Variants in UNC13C observed in about 807,000 individuals in gnomAD.
The protein encoded by UNC13C is unc-13 homolog C, also known as protein unc-13 homolog C.
In UNC13C, 174 loss-of-function variants were observed where a neutral mutation model predicts 245.4. The ratio of observed to expected loss-of-function variants is 0.71; its 90% CI spans 0.63 to 0.80. The LOEUF is 0.80. UNC13C is among the 30% of genes least tolerant of loss of function. The probability of loss-of-function intolerance (pLI) is 0.00; values close to 1 mark genes in which losing one functional copy is unlikely to be tolerated. For synonymous variants in UNC13C, 992 were observed against 895.1 expected (o/e 1.11, Z -1.93); for missense variants, 2,829 against 2,602.9 (o/e 1.09, Z -1.89).
At chr15:54,518,173 A>G (rs533450) in intron 24 of UNC13C, among the ~76,000 whole-genome samples, 99,440 of 152,088 alleles carry the variant, frequency 0.65, 33,291 homozygotes, top group African/African-American at 0.79. Flanking sequence ...AAATTATATT[A>G]AAGTGATTTA....
intron 7 of UNC13C, among the ~76,000 whole-genome samples, chr15:54,244,871 T>G (rs2140852752): frequency 6.6e-6 from 1 of 152,274 alleles, no homozygotes; most frequent in African/African-American, 2.4e-5. Flanking sequence ...TCTTTTGGAC[T>G]GAGACATGGA....
intron 2 of UNC13C, among the ~76,000 whole-genome samples, chr15:54,061,726 G>A (rs766537664): frequency 7.2e-5 from 11 of 152,144 alleles, no homozygotes; most frequent in African/African-American, 1.4e-4. Context: ...AAACCTTTTC[G>A]TGAGCAGTGA....
intron 2 of UNC13C, among the ~76,000 whole-genome samples, chr15:54,122,237 A>G (rs1160161877): frequency 1.3e-5 from 2 of 151,998 alleles, no homozygotes; most frequent in African/African-American, 4.8e-5. Context: ...ATAATTTCTA[A>G]ATGGTGTACC....
chr15:54,236,443 C>G lies in UNC13C; in HGVS notation c.3156+8C>G, dbSNP rs750493980. 1.3e-6 allele frequency: 2 copies of G among 1,589,486 alleles called. No homozygotes were observed. Among genetic ancestry groups the G allele is most frequent in the African/African-American group, 2.7e-5 (2 of 74,682 alleles). Reference sequence around the variant, plus strand: ...TGGAATCTTCAGGCCATGGTAAGTGCTTTGCTATTTATTTAATTAATATTT... The same window carrying G: ...TGGAATCTTCAGGCCATGGTAAGTGGTTTGCTATTTATTTAATTAATATTT... On this transcript the variant is annotated splice_region_variant and intron_variant, in intron 6 of 32. Coordinates refer to ENST00000260323, the MANE Select transcript of UNC13C (RefSeq NM_001080534.3).
chr15:54,226,475 C>A lies in UNC13C; in HGVS notation c.3072-8555C>A, dbSNP rs1448951066. ...TAGTGTCACAGGGTCCTTGGAGTGTCAATTTGCTAGCTGGAAACCTCTGTT... is the reference window on the plus strand; with the variant it reads ...TAGTGTCACAGGGTCCTTGGAGTGTAAATTTGCTAGCTGGAAACCTCTGTT... On this transcript the variant is annotated intron_variant, in intron 4 of 32. Coordinates refer to ENST00000260323, the MANE Select transcript of UNC13C (RefSeq NM_001080534.3). Among the ~76,000 whole-genome samples the A allele has an allele frequency of 3.3e-5, 5 of 152,148 alleles. No homozygotes were observed. In the East Asian group the frequency reaches 9.6e-4, roughly 29 times the overall value.
chr15:54,372,144 A>G (rs1452887240), intron 17 of UNC13C, among the ~76,000 whole-genome samples: 2 of 152,158 alleles, frequency 1.3e-5, no homozygotes, highest in Non-Finnish European at 2.9e-5. Context: ...TGCATATATT[A>G]AAAAGCTTGA....
chr15:54,039,904 C>T (rs1012373157), intron 2 of UNC13C, among the ~76,000 whole-genome samples: 17 of 151,966 alleles, frequency 1.1e-4, no homozygotes, highest in African/African-American at 4.1e-4. Flanking sequence ...TGCTTCTTCC[C>T]TTGACCCCCA....
At chr15:54,462,102 C>T (rs78020682) in intron 19 of UNC13C, among the ~76,000 whole-genome samples, 3,421 of 152,062 alleles carry the variant, frequency 0.022, 122 homozygotes, top group African/African-American at 0.077. Flanking sequence ...TTGGGTTTAC[C>T]CAAGTTAGGC....
intron 27 of UNC13C, 49 bp downstream of exon 27, chr15:54,546,894 G>A: frequency 6.7e-7 from 1 of 1,500,062 alleles, no homozygotes; most frequent in South Asian, 1.3e-5. Context: ...TCTGTTTTTG[G>A]TTTAAGTGAA....
chr15:54,382,029 A>G (rs2039736523), intron 17 of UNC13C, among the ~76,000 whole-genome samples: 1 of 152,206 alleles, frequency 6.6e-6, no homozygotes, highest in Non-Finnish European at 1.5e-5. Flanking sequence ...TTTAAAAATC[A>G]AAATTATGTA....
the UNC13C span, among the ~76,000 whole-genome samples, chr15:53,848,207 G>T: frequency 5.9e-5 from 9 of 151,882 alleles, 1 homozygote; most frequent in Admixed American, 3.9e-4. Context: ...ACTGGTTTCT[G>T]CTGTTATTGG....
At chr15:53,992,463 A>G (rs945167414) in intron 1 of UNC13C, among the ~76,000 whole-genome samples, 2 of 152,068 alleles carry the variant, frequency 1.3e-5, no homozygotes, top group African/African-American at 2.4e-5. Context: ...AGAAGCCTCC[A>G]TATTGTCTTC....
intron 10 of UNC13C, among the ~76,000 whole-genome samples, chr15:54,269,117 A>G (rs540864230): frequency 5.9e-4 from 89 of 151,974 alleles, no homozygotes; most frequent in African/African-American, 2.1e-3. Context: ...GCAGCAAACT[A>G]TCTACCTTGG....
intron 4 of UNC13C, among the ~76,000 whole-genome samples, chr15:54,217,543 G>T (rs2140770112): frequency 6.6e-6 from 1 of 152,008 alleles, no homozygotes; most frequent in East Asian, 1.9e-4. Context: ...TTGGATGATT[G>T]TAAATACCAC....
At chr15:54,079,389 T>G (rs566075038) in intron 2 of UNC13C, among the ~76,000 whole-genome samples, 2 of 151,878 alleles carry the variant, frequency 1.3e-5, no homozygotes, top group Admixed American at 6.6e-5. Flanking sequence ...GAATTTTTAG[T>G]TTTTTTTATG....
At chr15:54,154,115 A>C (rs1421055511) in intron 4 of UNC13C, among the ~76,000 whole-genome samples, 1 of 151,976 alleles carries the variant, frequency 6.6e-6, no homozygotes, top group Non-Finnish European at 1.5e-5. Context: ...CACTCAACTG[A>C]TTTATTGAGC....
At chr15:54,068,558 C>T (rs917177981) in intron 2 of UNC13C, among the ~76,000 whole-genome samples, 3 of 152,084 alleles carry the variant, frequency 2.0e-5, no homozygotes, top group Non-Finnish European at 2.9e-5. Context: ...GTTGGCAAAG[C>T]GTGTATTTAT....
At chr15:53,933,905 G>C in the UNC13C span, among the ~76,000 whole-genome samples, 1 of 152,186 alleles carries the variant, frequency 6.6e-6, no homozygotes, top group Non-Finnish European at 1.5e-5. Context: ...AAATACCTGA[G>C]ACTGGGTATT....
At position 54,554,187 on chromosome 15, in the gene UNC13C, A is replaced by G. The variant is rs1322760957; in HGVS notation, c.5878-1245A>G. On this transcript the variant is annotated intron_variant, in intron 28 of 32. Coordinates refer to ENST00000260323, the MANE Select transcript of UNC13C (RefSeq NM_001080534.3). Reference sequence around the variant, plus strand: ...AAATTTACTGAGTGCCTAGCAGATAACAACTGCCAAAATAGACACGGAAAA... The same window carrying G: ...AAATTTACTGAGTGCCTAGCAGATAGCAACTGCCAAAATAGACACGGAAAA... Among the ~76,000 whole-genome samples, 3 of 152,016 alleles carry G rather than the reference A, an allele frequency of 2.0e-5. No homozygotes were observed. The East Asian group carries it at 5.8e-4, about 29-fold the overall frequency.
Sources: allele counts gnomAD v4.1 joint callset (sites outside exome capture counted in the v4.1 genomes callset), GRCh38; gene constraint gnomAD v4.1.1; transcripts MANE v1.5; gene names NCBI Gene and HGNC (gene_info 2026-07-23, HGNC 2026-07-21).